The following ADAM22 variants were observed in gnomAD, a reference collection of about 807,000 sequenced individuals.
ADAM22 encodes ADAM metallopeptidase domain 22.
A neutral mutation model predicts 144.6 loss-of-function variants in ADAM22; 65 were observed. That is an observed-to-expected ratio of 0.45 (90% confidence interval 0.37 to 0.55). The LOEUF (loss-of-function observed/expected upper bound fraction) is 0.55. ADAM22 is among the 20% of genes least tolerant of loss of function. The probability of loss-of-function intolerance (pLI) is 0.00; values close to 1 mark genes in which losing one functional copy is unlikely to be tolerated. For missense variants in ADAM22, 974 were observed against 1,184.9 expected, an observed-to-expected ratio of 0.82 and a Z score of 2.61; for synonymous variants, 391 against 412.6, an observed-to-expected ratio of 0.95 and a Z score of 0.63.
intron 3 of ADAM22, among the ~76,000 whole-genome samples, chr7:88,058,673 A>G (rs1808939361): frequency 1.3e-5 from 2 of 152,204 alleles, no homozygotes. Flanking sequence ...TTTTCTTTTC[A>G]TCTTGATGGC....
chr7:88,007,657 C>T (rs1026106863), intron 3 of ADAM22, among the ~76,000 whole-genome samples: 1 of 152,126 alleles, frequency 6.6e-6, no homozygotes, highest in African/African-American at 2.4e-5. Flanking sequence ...GAAAGGATTC[C>T]CTATTTAATA....
intron 2 of ADAM22, among the ~76,000 whole-genome samples, chr7:87,956,050 A>T (rs1169159147): frequency 6.6e-6 from 1 of 152,112 alleles, no homozygotes; most frequent in Non-Finnish European, 1.5e-5. Flanking sequence ...CTTGACCAGG[A>T]AAGGGAACTC....
intron 2 of ADAM22, among the ~76,000 whole-genome samples, chr7:87,951,396 A>G (rs1441988987): frequency 9.0e-6 from 1 of 110,580 alleles, no homozygotes. Context: ...TTAAATAGGG[A>G]ATCCTTTTCC....
chr7:87,952,003 CTT>C (rs1347819691), intron 2 of ADAM22, among the ~76,000 whole-genome samples: 2 of 148,996 alleles, frequency 1.3e-5, no homozygotes, highest in Non-Finnish European at 3.0e-5. Flanking sequence ...TATCCTGAGA[CTT>C]TGCTGAAGTT....
At chr7:88,113,675 T>TATAA (rs1554478482) in intron 5 of ADAM22, among the ~76,000 whole-genome samples, 1 of 117,168 alleles carries the variant, frequency 8.5e-6, no homozygotes, top group African/African-American at 3.4e-5. Flanking sequence ...TATATATATA[T>TATAA]AATATATATA....
intron 14 of ADAM22, among the ~76,000 whole-genome samples, chr7:88,142,291 T>G (rs1316260981): frequency 6.6e-6 from 1 of 152,188 alleles, no homozygotes; most frequent in Non-Finnish European, 1.5e-5. Context: ...TCACATTTGG[T>G]TTTTGTGTCT....
intron 1 of ADAM22, 190 bp from the exon 2 acceptor site, chr7:87,934,836 C>A: frequency 1.3e-6 from 1 of 779,000 alleles, no homozygotes; most frequent in Non-Finnish European, 2.1e-6. Context: ...CTCCTGGTTG[C>A]TCTCGGATGA....
At chr7:87,974,291 G>A (rs1302871155) in intron 2 of ADAM22, among the ~76,000 whole-genome samples, 4 of 138,596 alleles carry the variant, frequency 2.9e-5, no homozygotes, top group African/African-American at 5.6e-5. Flanking sequence ...GCGACAGAGC[G>A]AGACTCTGTC....
chr7:87,942,555 T>G (rs1842683700), intron 2 of ADAM22, among the ~76,000 whole-genome samples: 4 of 152,244 alleles, frequency 2.6e-5, no homozygotes, highest in Admixed American at 2.6e-4. Context: ...GAACTATATA[T>G]GACTTTTAGT....
chr7:88,170,598 TAAC>T (rs545745770), intron 25 of ADAM22, among the ~76,000 whole-genome samples: 84 of 152,002 alleles, frequency 5.5e-4, no homozygotes, highest in African/African-American at 2.0e-3. Flanking sequence ...TGAAAAATAA[TAAC>T]AAATTGGCAC....
intron 3 of ADAM22, among the ~76,000 whole-genome samples, chr7:88,055,567 G>A (rs1808009445): frequency 6.6e-6 from 1 of 152,024 alleles, no homozygotes; most frequent in African/African-American, 2.4e-5. Flanking sequence ...TTGATCTGGG[G>A]CAGAGAGGAA....
intron 17 of ADAM22, among the ~76,000 whole-genome samples, chr7:88,147,731 C>T (rs7457753): frequency 0.14 from 21,882 of 152,116 alleles, 2,839 homozygotes; most frequent in African/African-American, 0.34. Flanking sequence ...CCTCCCTATT[C>T]TTTCTTTTAG....
intron 4 of ADAM22, among the ~76,000 whole-genome samples, chr7:88,083,492 A>T (rs1351642381): frequency 2.0e-5 from 3 of 152,144 alleles, no homozygotes; most frequent in Non-Finnish European, 4.4e-5. Flanking sequence ...GTATATAAAA[A>T]AAAGAATGCT....
intron 14 of ADAM22, among the ~76,000 whole-genome samples, chr7:88,142,565 G>T (rs192611898): frequency 1.5e-4 from 23 of 152,242 alleles, no homozygotes; most frequent in Middle Eastern, 6.8e-3. Context: ...TTGGCCGGGC[G>T]TGGTGGCTCA....
In ADAM22 at chr7:88,134,374, G is replaced by A; in HGVS notation, c.1123G>A (p.Ala375Thr). 1 of 1,610,888 alleles carries A rather than the reference G, an allele frequency of 6.2e-7. No homozygotes were observed. The highest frequency in any genetic ancestry group is 8.5e-7 in the Non-Finnish European group (1 of 1,178,968). Residue 375 changes from alanine to threonine, a missense_variant, in exon 13 of 32, where the codon GCC (alanine) becomes ACC (threonine). Physicochemically the swap from Ala to Thr is moderately conservative, Grantham distance 58 (BLOSUM62 0). Around this residue, in one of 2 missense-constraint regions of ADAM22, gnomAD observed 734 missense variants for 950.6 expected, o/e 0.77. Transcript: ENST00000413139. ...LMAVTLAQSL[A>T]HNIGIISDKR... The stretch of plus-strand genomic sequence containing the variant: ...GGCTGTTACACTTGCCCAGTCATTA[G>A]CCCATAATATTGGTATTATCTCAGA...
chr7:87,935,513 A>G (rs1299420472), intron 2 of ADAM22, among the ~76,000 whole-genome samples: 2 of 152,122 alleles, frequency 1.3e-5, no homozygotes, highest in Non-Finnish European at 2.9e-5. Flanking sequence ...GGGAGGTAGT[A>G]TTTGGGCAGG....
At chr7:88,114,762 A>G in intron 6 of ADAM22, 115 bp downstream of exon 6, 3 of 935,474 alleles carry the variant, frequency 3.2e-6, no homozygotes, top group South Asian at 3.4e-5. Flanking sequence ...GGGTTAAGAT[A>G]GTAAACATAT....
At chr7:88,021,261 TCTC>T (rs1425158017) in intron 3 of ADAM22, among the ~76,000 whole-genome samples, 4 of 152,158 alleles carry the variant, frequency 2.6e-5, no homozygotes, top group Non-Finnish European at 5.9e-5. Flanking sequence ...GGCACCTAGT[TCTC>T]CTCTGCAAAA....
chr7:88,164,583 C>G (rs1399777581), intron 23 of ADAM22, among the ~76,000 whole-genome samples: 1 of 152,024 alleles, frequency 6.6e-6, no homozygotes, highest in Non-Finnish European at 1.5e-5. Flanking sequence ...AATCCCAACT[C>G]TGCTTTTTAT....
Sources: gnomAD v4.1 joint callset for allele counts (sites outside exome capture counted in the v4.1 genomes callset) on GRCh38, gnomAD v4.1.1 for gene constraint, gnomAD v4.1.1 regional missense constraint, MANE v1.5 for transcripts, NCBI Gene and HGNC (gene_info 2026-07-23, HGNC 2026-07-21) for gene names.